Variants in DLEU7 observed in about 807,000 individuals in gnomAD.
DLEU7 encodes the protein deleted in lymphocytic leukemia 7.
Under a neutral mutation model 16.0 loss-of-function variants are expected in DLEU7, and 17 were observed. The observed-to-expected ratio is 1.06, with a 90% CI of 0.73 to 1.59. DLEU7 has a LOEUF of 1.59. Ranked by LOEUF, DLEU7 falls within the 40% of genes most tolerant of loss-of-function variation. The probability of loss-of-function intolerance (pLI) is 0.00; values close to 1 mark genes in which losing one functional copy is unlikely to be tolerated. For missense variants in DLEU7, 308 were observed against 314.9 expected (o/e 0.98, Z 0.17); for synonymous variants, 113 against 139.8 (o/e 0.81, Z 1.35).
intron 1 of DLEU7, among the ~76,000 whole-genome samples, chr13:50,772,593 C>T (rs1875352540): frequency 6.6e-6 from 1 of 152,090 alleles, no homozygotes; most frequent in South Asian, 2.1e-4. Context: ...GAATATTGGC[C>T]CCCACTCTCT....
chr13:50,723,664 T>C (rs1348961385), intron 1 of DLEU7, among the ~76,000 whole-genome samples: 6 of 151,974 alleles, frequency 3.9e-5, no homozygotes, highest in Non-Finnish European at 5.9e-5. Context: ...TGGTGTCTTT[T>C]TTTATAAGGG....
At chr13:50,759,347 A>G (rs942684738) in intron 1 of DLEU7, among the ~76,000 whole-genome samples, 1 of 152,232 alleles carries the variant, frequency 6.6e-6, no homozygotes, top group Non-Finnish European at 1.5e-5. Context: ...TACTGGAAGA[A>G]TGGCTTGATC....
At chr13:50,766,852 AGAACCCTGG>A (rs1196455367) in intron 1 of DLEU7, among the ~76,000 whole-genome samples, 5 of 148,442 alleles carry the variant, frequency 3.4e-5, no homozygotes, top group Non-Finnish European at 7.4e-5. Flanking sequence ...CTGTACATAC[AGAACCCTGG>A]GAAATGCTGG....
chr13:50,819,977 C>G (rs771198627), downstream of DLEU7, among the ~76,000 whole-genome samples: 3 of 152,044 alleles, frequency 2.0e-5, no homozygotes, highest in Non-Finnish European at 4.4e-5. Flanking sequence ...TGTGGAAGAA[C>G]CAGGACAAAG....
intron 1 of DLEU7, among the ~76,000 whole-genome samples, chr13:50,842,439 A>C (rs561583559): frequency 1.3e-5 from 2 of 152,316 alleles, no homozygotes; most frequent in South Asian, 4.1e-4. Flanking sequence ...CAAGTCCAGG[A>C]CTGAAACCCA....
downstream of DLEU7, among the ~76,000 whole-genome samples, chr13:50,817,951 T>C (rs916464099): frequency 1.3e-5 from 2 of 152,094 alleles, no homozygotes; most frequent in African/African-American, 4.8e-5. Context: ...TGTATCCAGC[T>C]CTAACTAAAA....
chr13:50,834,447 A>C (rs973830665), intron 1 of DLEU7, among the ~76,000 whole-genome samples: 1 of 152,024 alleles, frequency 6.6e-6, no homozygotes, highest in Non-Finnish European at 1.5e-5. Flanking sequence ...AAAAAAACTC[A>C]TCATCACTGG....
intron 1 of DLEU7, among the ~76,000 whole-genome samples, chr13:50,780,513 G>A (rs1010876135): frequency 6.6e-6 from 1 of 152,142 alleles, no homozygotes; most frequent in Non-Finnish European, 1.5e-5. Flanking sequence ...TACAGCTAAG[G>A]AGCCCTCATA....
intron 1 of DLEU7, among the ~76,000 whole-genome samples, chr13:50,768,673 C>G (rs1251422927): frequency 6.6e-6 from 1 of 152,154 alleles, no homozygotes; most frequent in Non-Finnish European, 1.5e-5. Flanking sequence ...TTTTCTTAAT[C>G]CAGTCTATCA....
intron 1 of DLEU7, among the ~76,000 whole-genome samples, chr13:50,829,457 C>T (rs1877192926): frequency 6.6e-6 from 1 of 152,200 alleles, no homozygotes; most frequent in Non-Finnish European, 1.5e-5. Context: ...CAAAGGAATT[C>T]ATCACCCAAA....
At chr13:50,769,302 T>A (rs908939130) in intron 1 of DLEU7, among the ~76,000 whole-genome samples, 1 of 152,208 alleles carries the variant, frequency 6.6e-6, no homozygotes, top group African/African-American at 2.4e-5. Context: ...TTAGATCCTA[T>A]TTGTCTATTT....
chr13:50,821,440 A>G (rs9535498), downstream of DLEU7, among the ~76,000 whole-genome samples: 91,729 of 151,984 alleles, frequency 0.6, 28,257 homozygotes, highest in African/African-American at 0.73. Context: ...GATAATCCCT[A>G]TCTTCAGCAA....
chr13:50,773,425 G>C (rs1875390035), intron 1 of DLEU7, among the ~76,000 whole-genome samples: 1 of 152,134 alleles, frequency 6.6e-6, no homozygotes, highest in Non-Finnish European at 1.5e-5. Context: ...TTTGGTCTTT[G>C]ATGATAGTGA....
At chr13:50,837,921 C>T (rs1419945471) in intron 1 of DLEU7, among the ~76,000 whole-genome samples, 5 of 152,048 alleles carry the variant, frequency 3.3e-5, no homozygotes, top group East Asian at 1.9e-4. Context: ...GGGAAGGATG[C>T]GAACTCATGG....
At chr13:50,767,549 G>A (rs1306189956) in intron 1 of DLEU7, among the ~76,000 whole-genome samples, 1 of 151,888 alleles carries the variant, frequency 6.6e-6, no homozygotes, top group Non-Finnish European at 1.5e-5. Flanking sequence ...CTTAGTTCAT[G>A]GGACCATGGT....
intron 1 of DLEU7, among the ~76,000 whole-genome samples, chr13:50,779,948 T>A (rs1160427832): frequency 6.6e-6 from 1 of 152,046 alleles, no homozygotes; most frequent in East Asian, 1.9e-4. Flanking sequence ...ATTTGAAGAA[T>A]GCCCTATTAA....
At chr13:50,716,188 A>G (rs1873433525) in intron 1 of DLEU7, among the ~76,000 whole-genome samples, 1 of 152,196 alleles carries the variant, frequency 6.6e-6, no homozygotes, top group Non-Finnish European at 1.5e-5. Flanking sequence ...TTTTTGTTTA[A>G]TAGACCAGAT....
In DLEU7 at chr13:50,798,850, C is replaced by T. The variant is rs948631410; in HGVS notation, c.459+44338G>A. On this transcript the variant is annotated intron_variant, in intron 1 of 1. Coordinates refer to the DLEU7 transcript ENST00000400393. ...TCTGTATTCTGGAACCCTGGTTCCC[C>T]CTAGCTCTTGGGACCCACTCACCTG... Among the ~76,000 whole-genome samples, 4 of 152,164 alleles carry T rather than the reference C, an allele frequency of 2.6e-5. No homozygotes were observed. In the East Asian group the frequency reaches 7.7e-4, roughly 29 times the overall value.
chr13:50,718,772 A>G (rs1270473864), intron 1 of DLEU7, among the ~76,000 whole-genome samples: 9 of 152,220 alleles, frequency 5.9e-5, no homozygotes, highest in Middle Eastern at 3.2e-3. Context: ...TCTACATAGA[A>G]GCAAAGAAAC....
Sources: gnomAD v4.1 joint callset for allele counts (sites outside exome capture counted in the v4.1 genomes callset) on GRCh38, gnomAD v4.1.1 for gene constraint, MANE v1.5 for transcripts, NCBI Gene and HGNC (gene_info 2026-07-23, HGNC 2026-07-21) for gene names.